The following APBB2 variants were observed in gnomAD, a reference collection of about 807,000 sequenced individuals.
APBB2 encodes amyloid beta precursor protein binding family B member 2.
APBB2 carries 38 observed loss-of-function variants against 82.5 expected under a neutral mutation model. The observed-to-expected ratio is 0.46, with a 90% CI of 0.36 to 0.60. APBB2 has a LOEUF of 0.60. Among genes scored for constraint, APBB2 ranks in the 20% least tolerant of loss-of-function variants. The pLI, the probability that APBB2 is intolerant of heterozygous loss-of-function variation, is 0.00. For missense variants in APBB2, 772 were observed against 972.3 expected (o/e 0.79, Z 2.74); for synonymous variants, 341 against 368.2 (o/e 0.93, Z 0.85).
chr4:40,979,318 C>T (rs927039770), intron 6 of APBB2, among the ~76,000 whole-genome samples: 1 of 152,096 alleles, frequency 6.6e-6, no homozygotes, highest in Non-Finnish European at 1.5e-5. Flanking sequence ...CTAAGATGGC[C>T]CTAAGATTCC....
At chr4:41,213,576 C>G (rs753469132) in intron 1 of APBB2, among the ~76,000 whole-genome samples, 2 of 152,244 alleles carry the variant, frequency 1.3e-5, no homozygotes, top group African/African-American at 2.4e-5. Flanking sequence ...GTAGTCTACA[C>G]CACTTCACCG....
intron 6 of APBB2, among the ~76,000 whole-genome samples, chr4:40,981,696 A>G (rs1798513094): frequency 6.6e-6 from 1 of 152,030 alleles, no homozygotes; most frequent in Non-Finnish European, 1.5e-5. Flanking sequence ...GTCTGCCCAT[A>G]CTCACTCCAA....
intron 10 of APBB2, among the ~76,000 whole-genome samples, chr4:40,911,957 A>C (rs887895029): frequency 1.2e-4 from 18 of 152,310 alleles, no homozygotes; most frequent in African/African-American, 4.3e-4. Flanking sequence ...CTGCTCATTA[A>C]ATCGGACCGG....
At chr4:41,203,656 C>T (rs1374138410) in intron 1 of APBB2, among the ~76,000 whole-genome samples, 2 of 152,132 alleles carry the variant, frequency 1.3e-5, no homozygotes, top group Non-Finnish European at 2.9e-5. Flanking sequence ...AAGAGGGCCC[C>T]AAAGTCTAAG....
chr4:40,890,209 G>T, intron 12 of APBB2, 155 bp downstream of exon 12: 4 of 990,278 alleles, frequency 4.0e-6, no homozygotes, highest in Admixed American at 6.7e-5. Flanking sequence ...TCTTTAAGAG[G>T]CAGGGAACTA....
intron 6 of APBB2, among the ~76,000 whole-genome samples, chr4:40,967,840 G>A (rs758830694): frequency 3.3e-5 from 5 of 152,188 alleles, no homozygotes; most frequent in Non-Finnish European, 7.3e-5. Flanking sequence ...AGGATCCTGT[G>A]ACATTTGTAC....
At chr4:40,941,232 A>C (rs1786821144) in intron 7 of APBB2, among the ~76,000 whole-genome samples, 1 of 151,988 alleles carries the variant, frequency 6.6e-6, no homozygotes, top group African/African-American at 2.4e-5. Flanking sequence ...GTCCCTTAAG[A>C]TTTTGCTCTC....
chr4:40,921,945 C>T (rs976856316), intron 10 of APBB2, among the ~76,000 whole-genome samples: 3 of 152,084 alleles, frequency 2.0e-5, no homozygotes, highest in Non-Finnish European at 4.4e-5. Flanking sequence ...GCGTGTCTGC[C>T]GAGAGAATGA....
At chr4:40,836,379 A>G (rs1753953022) in intron 12 of APBB2, among the ~76,000 whole-genome samples, 1 of 152,222 alleles carries the variant, frequency 6.6e-6, no homozygotes, top group Non-Finnish European at 1.5e-5. Flanking sequence ...TGGGAGGCTG[A>G]GGTGTGAGAA....
intron 2 of APBB2, among the ~76,000 whole-genome samples, chr4:41,141,076 C>T (rs915414389): frequency 8.5e-5 from 13 of 152,176 alleles, no homozygotes; most frequent in African/African-American, 3.1e-4. Context: ...CAAAACTAGT[C>T]CCTCATACCA....
At chr4:40,951,361 G>A (rs909020877) in intron 6 of APBB2, among the ~76,000 whole-genome samples, 2 of 152,140 alleles carry the variant, frequency 1.3e-5, no homozygotes, top group African/African-American at 4.8e-5. Flanking sequence ...GAGATATGCC[G>A]GAATAGAAAG....
intron 1 of APBB2, among the ~76,000 whole-genome samples, chr4:41,207,018 T>C (rs1561039698): frequency 6.6e-6 from 1 of 151,588 alleles, no homozygotes; most frequent in Non-Finnish European, 1.5e-5. Flanking sequence ...GCCAAAGTGG[T>C]GAAACCCCAG....
intron 3 of APBB2, among the ~76,000 whole-genome samples, 186 bp downstream of exon 3, chr4:41,100,453 T>C (rs56101032): frequency 0.13 from 20,239 of 150,706 alleles, 1,703 homozygotes; most frequent in Non-Finnish European, 0.19. Context: ...ATCATCTTAA[T>C]CTCTTGCAAG....
chr4:40,822,341 T>C (rs1748288899), intron 16 of APBB2: 1 of 323,088 alleles, frequency 3.1e-6, no homozygotes, highest in East Asian at 6.1e-5. Flanking sequence ...GGAGGGACAG[T>C]GCCGTCCATA....
At chr4:40,919,790 C>T (rs932617906) in intron 10 of APBB2, among the ~76,000 whole-genome samples, 1 of 152,206 alleles carries the variant, frequency 6.6e-6, no homozygotes, top group African/African-American at 2.4e-5. Flanking sequence ...CTCTACAACA[C>T]GTCTTGTTTC....
chr4:41,084,577 G>C (rs995379675), intron 3 of APBB2: 1 of 152,174 alleles, frequency 6.6e-6, no homozygotes, highest in African/African-American at 2.4e-5. Flanking sequence ...CAAAAGAATT[G>C]AGTAAATGAA....
Position 41,149,176 on chromosome 4 carries a change from A to T in APBB2, c.-416-6034T>A, listed in dbSNP as rs1761556627. Among the ~76,000 whole-genome samples, 7 of 152,082 alleles carry T rather than the reference A, an allele frequency of 4.6e-5. No individual in the cohort carries two copies. In the South Asian group the frequency reaches 1.5e-3, roughly 32 times the overall value. ...CTCCCCAACACTTTTTTTTCACCCCAGGAAAAAAGAACACATGCTGAAATT... is the reference window on the plus strand; with the variant it reads ...CTCCCCAACACTTTTTTTTCACCCCTGGAAAAAAGAACACATGCTGAAATT... On this transcript the variant is annotated intron_variant, in intron 1 of 17. Transcript: ENST00000508593.
At chr4:40,989,728 T>C (rs542487715) in intron 6 of APBB2, among the ~76,000 whole-genome samples, 53 of 152,344 alleles carry the variant, frequency 3.5e-4, no homozygotes, top group Admixed American at 1.4e-3. Flanking sequence ...TCCCAAGCTT[T>C]AAGCTGATCT....
At chr4:40,881,202 G>A in intron 12 of APBB2, 1 of 985,366 alleles carries the variant, frequency 1.0e-6, no homozygotes. Context: ...TAACTCCAGA[G>A]GTCAAGACAA....
Sources: allele counts gnomAD v4.1 joint callset (sites outside exome capture counted in the v4.1 genomes callset), GRCh38; gene constraint gnomAD v4.1.1; transcripts MANE v1.5; gene names NCBI Gene and HGNC (gene_info 2026-07-23, HGNC 2026-07-21).